Variants in SPAG16 observed in about 807,000 individuals in gnomAD.
SPAG16 encodes the protein sperm associated antigen 16, also known as sperm-associated antigen 16 protein.
In SPAG16, 86 loss-of-function variants were observed where a neutral mutation model predicts 80.4. The observed-to-expected ratio is 1.07, with a 90% CI of 0.90 to 1.28. The LOEUF is 1.28. SPAG16 is among the 50% of genes most tolerant of loss of function. SPAG16 has a pLI of 0.00. For synonymous variants in SPAG16, 294 were observed against 265.9 expected, an observed-to-expected ratio of 1.11 and a Z score of -1.03; for missense variants, 870 against 765.3, an observed-to-expected ratio of 1.14 and a Z score of -1.61.
At chr2:213,479,224 T>C (rs978353426) in intron 9 of SPAG16, among the ~76,000 whole-genome samples, 2 of 151,728 alleles carry the variant, frequency 1.3e-5, no homozygotes, top group African/African-American at 4.8e-5. Flanking sequence ...TATCACTGTC[T>C]TAGTCTTTAA....
chr2:214,277,688 AGAGGG>A (rs1692576039), intron 15 of SPAG16, among the ~76,000 whole-genome samples: 1 of 152,202 alleles, frequency 6.6e-6, no homozygotes, highest in Non-Finnish European at 1.5e-5. Context: ...GCTTCATCCC[AGAGGG>A]GAACCCACAT....
chr2:213,804,637 C>T (rs1442921182), intron 10 of SPAG16, among the ~76,000 whole-genome samples: 2 of 152,144 alleles, frequency 1.3e-5, no homozygotes, highest in Admixed American at 6.5e-5. Context: ...GAGCCGAGAT[C>T]GCGCCACTGC....
At chr2:214,165,023 T>C (rs1559097379) in intron 15 of SPAG16, among the ~76,000 whole-genome samples, 1 of 152,166 alleles carries the variant, frequency 6.6e-6, no homozygotes, top group African/African-American at 2.4e-5. Flanking sequence ...TCCACATCAA[T>C]GGATAATTTC....
chr2:213,999,813 T>C (rs1017630892), intron 12 of SPAG16, among the ~76,000 whole-genome samples: 75 of 152,364 alleles, frequency 4.9e-4, no homozygotes, highest in African/African-American at 1.8e-3. Context: ...GGACATTATT[T>C]TGGAGCTTTA....
intron 10 of SPAG16, among the ~76,000 whole-genome samples, chr2:213,558,093 T>A (rs1397014150): frequency 6.6e-6 from 1 of 152,156 alleles, no homozygotes; most frequent in Non-Finnish European, 1.5e-5. Flanking sequence ...ACTTTATAAA[T>A]CTTGTTTTTG....
chr2:213,702,157 T>G (rs1049378511), intron 10 of SPAG16, among the ~76,000 whole-genome samples: 3 of 152,126 alleles, frequency 2.0e-5, no homozygotes, highest in African/African-American at 7.2e-5. Context: ...TCCAATCAGC[T>G]CTCTGTAAAA....
chr2:213,651,159 C>T (rs187603399), intron 10 of SPAG16, among the ~76,000 whole-genome samples: 2 of 152,276 alleles, frequency 1.3e-5, no homozygotes, highest in Admixed American at 1.3e-4. Context: ...ATTATACACA[C>T]ACAAACACAC....
At chr2:213,949,181 T>TTTTTTTTTTTTTTTTTTTTTTTTG (rs2079618571) in intron 12 of SPAG16, among the ~76,000 whole-genome samples, 1 of 18,792 alleles carries the variant, frequency 5.3e-5, no homozygotes, top group Non-Finnish European at 1.6e-4. Context: ...TTTTTTTTTT[T>TTTTTTTTTTTTTTTTTTTTTTTTG]TTTTTTTTTT....
chr2:214,232,655 G>C (rs1397324560), intron 15 of SPAG16, among the ~76,000 whole-genome samples: 1 of 151,942 alleles, frequency 6.6e-6, no homozygotes, highest in Non-Finnish European at 1.5e-5. Context: ...TGTTTGGACA[G>C]TAGTTCATTT....
Position 213,495,534 on chromosome 2 carries a change from G to C in SPAG16, c.1070+5444G>C, listed in dbSNP as rs111444427. 7.9e-4 allele frequency among the ~76,000 whole-genome samples: 120 copies of C among 152,286 alleles called. 2 individuals carry two copies. Among genetic ancestry groups the C allele is most frequent in the Middle Eastern group, 3.4e-3 (1 of 294 alleles). On this transcript the variant is annotated intron_variant, in intron 10 of 15. Coordinates refer to ENST00000331683, the MANE Select transcript of SPAG16 (RefSeq NM_024532.5). ...GAACACGTGTCAGGCACTACTCTGG[G>C]CAGTTAACTAACTAGACAGAAATCT...
intron 15 of SPAG16, among the ~76,000 whole-genome samples, chr2:214,285,633 C>T (rs1693299108): frequency 2.6e-5 from 4 of 152,018 alleles, no homozygotes. Flanking sequence ...GAAACCCCAT[C>T]TCTACTAAAA....
At chr2:213,693,795 A>G (rs1417756037) in intron 10 of SPAG16, among the ~76,000 whole-genome samples, 1 of 152,212 alleles carries the variant, frequency 6.6e-6, no homozygotes, top group African/African-American at 2.4e-5. Flanking sequence ...TGATTCAAAG[A>G]AGCCAAAATC....
intron 10 of SPAG16, among the ~76,000 whole-genome samples, chr2:213,619,497 C>T (rs767877291): frequency 9.9e-5 from 15 of 151,984 alleles, no homozygotes; most frequent in African/African-American, 1.9e-4. Flanking sequence ...AACTAAAAAA[C>T]GGGCAAAGCG....
At chr2:213,415,239 C>A (rs1366638943) in intron 9 of SPAG16, among the ~76,000 whole-genome samples, 1 of 152,186 alleles carries the variant, frequency 6.6e-6, no homozygotes, top group Non-Finnish European at 1.5e-5. Flanking sequence ...CAGCCCCAAG[C>A]TTTTCAGAGG....
At chr2:213,836,744 G>A (rs927239228) in intron 10 of SPAG16, among the ~76,000 whole-genome samples, 12 of 152,168 alleles carry the variant, frequency 7.9e-5, no homozygotes, top group African/African-American at 2.6e-4. Flanking sequence ...CCACTGAGTA[G>A]CTAGGATTGC....
intron 10 of SPAG16, among the ~76,000 whole-genome samples, chr2:213,709,889 T>A (rs556289390): frequency 6.6e-6 from 1 of 152,228 alleles, no homozygotes; most frequent in Non-Finnish European, 1.5e-5. Context: ...AAGGCTATAT[T>A]TTATTTTTTA....
At chr2:213,520,827 A>ATCAG (rs1280404326) in intron 10 of SPAG16, among the ~76,000 whole-genome samples, 2 of 152,174 alleles carry the variant, frequency 1.3e-5, no homozygotes, top group Non-Finnish European at 2.9e-5. Flanking sequence ...AATTCTTGGG[A>ATCAG]TCAGTCACTC....
chr2:213,797,279 A>G lies in SPAG16; in HGVS notation c.1071-65206A>G, dbSNP rs186283305. 5.9e-3 allele frequency among the ~76,000 whole-genome samples: 899 copies of G among 152,280 alleles called. 2 individuals are homozygous for G. Among genetic ancestry groups the G allele is most frequent in the Non-Finnish European group, 8.8e-3 (601 of 68,022 alleles). ...ATTTAGTTTAGCCTAAGTATATAGTATTTATAAAGTCTACAGTAATGTACA... is the reference window on the plus strand; with the variant it reads ...ATTTAGTTTAGCCTAAGTATATAGTGTTTATAAAGTCTACAGTAATGTACA... On this transcript the variant is annotated intron_variant, in intron 10 of 15. Transcript: ENST00000331683.
intron 10 of SPAG16, among the ~76,000 whole-genome samples, chr2:213,516,403 C>T (rs2075424233): frequency 6.6e-6 from 1 of 151,604 alleles, no homozygotes. Context: ...TTATCTTTTT[C>T]TTAAAAAAAT....
Sources: gnomAD v4.1 joint callset for allele counts (sites outside exome capture counted in the v4.1 genomes callset) on GRCh38, gnomAD v4.1.1 for gene constraint, MANE v1.5 for transcripts, NCBI Gene and HGNC (gene_info 2026-07-23, HGNC 2026-07-21) for gene names.